ACBD6: variants seen among roughly 807,000 people sequenced by gnomAD.
ACBD6 encodes acyl-CoA binding domain containing 6, also known as acyl-CoA-binding domain-containing protein 6.
Under a neutral mutation model 37.2 loss-of-function variants are expected in ACBD6, and 28 were observed. The ratio of observed to expected loss-of-function variants is 0.75; its 90% CI spans 0.56 to 1.03. ACBD6 has a LOEUF of 1.03. Among genes scored for constraint, ACBD6 ranks in the 50% least tolerant of loss-of-function variants. The pLI, the probability that ACBD6 is intolerant of heterozygous loss-of-function variation, is 0.00. For synonymous variants in ACBD6, 113 were observed against 126.8 expected, an observed-to-expected ratio of 0.89 and a Z score of 0.73; for missense variants, 340 against 337.4, an observed-to-expected ratio of 1.01 and a Z score of -0.06.
At chr1:180,385,095 G>A (rs1193795495) in intron 6 of ACBD6, among the ~76,000 whole-genome samples, 1 of 151,858 alleles carries the variant, frequency 6.6e-6, no homozygotes, top group Non-Finnish European at 1.5e-5. Flanking sequence ...GCAGAGTAGG[G>A]CTTTTACTAC....
At chr1:180,352,896 AC>A (rs1240496915) in intron 6 of ACBD6, among the ~76,000 whole-genome samples, 1 of 152,168 alleles carries the variant, frequency 6.6e-6, no homozygotes, top group African/African-American at 2.4e-5. Context: ...AGAATAGTGT[AC>A]CTGTAAGTAG....
intron 7 of ACBD6, among the ~76,000 whole-genome samples, chr1:180,309,130 T>G (rs1306345343): frequency 6.6e-6 from 1 of 152,198 alleles, no homozygotes; most frequent in East Asian, 1.9e-4. Flanking sequence ...TTATGTATCC[T>G]CCCAGAGATA....
intron 6 of ACBD6, among the ~76,000 whole-genome samples, chr1:180,322,430 G>C (rs1388753643): frequency 1.3e-5 from 2 of 152,024 alleles, no homozygotes; most frequent in Admixed American, 6.6e-5. Flanking sequence ...AGAAGGACTG[G>C]TATTAGTTCT....
At chr1:180,355,917 G>T (rs1652609250) in intron 6 of ACBD6, among the ~76,000 whole-genome samples, 1 of 151,796 alleles carries the variant, frequency 6.6e-6, no homozygotes, top group Non-Finnish European at 1.5e-5. Flanking sequence ...GCCCAGGCTG[G>T]TGTGCAGTGG....
At chr1:180,382,068 T>C (rs1247373715) in intron 6 of ACBD6, among the ~76,000 whole-genome samples, 4 of 149,026 alleles carry the variant, frequency 2.7e-5, no homozygotes, top group African/African-American at 7.5e-5. Flanking sequence ...TGAGCCAAGA[T>C]TGCACCACTG....
At chr1:180,335,616 T>C (rs2149302991) in intron 6 of ACBD6, among the ~76,000 whole-genome samples, 1 of 151,726 alleles carries the variant, frequency 6.6e-6, no homozygotes, top group Admixed American at 6.6e-5. Flanking sequence ...ACGAGCAAAA[T>C]AACCAGCTAA....
chr1:180,341,292 A>G (rs1055547077), intron 6 of ACBD6, among the ~76,000 whole-genome samples: 6 of 152,182 alleles, frequency 3.9e-5, no homozygotes, highest in Admixed American at 2.6e-4. Flanking sequence ...CTAGGTAGTC[A>G]TAAGAAATTA....
At chr1:180,319,826 G>T (rs1650986406) in intron 6 of ACBD6, among the ~76,000 whole-genome samples, 1 of 152,160 alleles carries the variant, frequency 6.6e-6, no homozygotes, top group Admixed American at 6.5e-5. Flanking sequence ...TGTTGCAAAT[G>T]ACAAGATCTC....
chr1:180,289,060 C>T (rs1054334820), intron 7 of ACBD6, among the ~76,000 whole-genome samples: 1 of 132,000 alleles, frequency 7.6e-6, no homozygotes, highest in Non-Finnish European at 1.6e-5. Flanking sequence ...AAAAAAAAGG[C>T]ACCAATGGGT....
chr1:180,422,681 A>G (rs1315265969), intron 4 of ACBD6, among the ~76,000 whole-genome samples: 2 of 152,164 alleles, frequency 1.3e-5, no homozygotes, highest in African/African-American at 2.4e-5. Context: ...CACTAGTGGT[A>G]CTTCATATGG....
chr1:180,359,992 TTAC>T (rs2101902215), intron 6 of ACBD6, among the ~76,000 whole-genome samples: 1 of 152,334 alleles, frequency 6.6e-6, no homozygotes, highest in South Asian at 2.1e-4. Context: ...AATATCAAAC[TTAC>T]TTTTTAATTT....
At chr1:180,490,128 G>T (rs1220324691) in intron 3 of ACBD6, among the ~76,000 whole-genome samples, 1 of 152,138 alleles carries the variant, frequency 6.6e-6, no homozygotes, top group African/African-American at 2.4e-5. Context: ...ACAGTGACTG[G>T]ACCTGAAAAA....
At chr1:180,276,939 G>A (rs908892767) in intron 9 of ACBD6, 2 of 152,174 alleles carry the variant, frequency 1.3e-5, no homozygotes, top group Admixed American at 6.5e-5. Context: ...AATAGTGGAA[G>A]GAGAGGCCTT....
At chr1:180,487,905 A>G (rs1651337836) in intron 3 of ACBD6, among the ~76,000 whole-genome samples, 1 of 152,208 alleles carries the variant, frequency 6.6e-6, no homozygotes, top group Non-Finnish European at 1.5e-5. Context: ...ATGTTTTCCA[A>G]CTGATAGCAA....
At chr1:180,284,416 T>C (rs1234590836), downstream of ACBD6, among the ~76,000 whole-genome samples, 5 of 151,468 alleles carry the variant, frequency 3.3e-5, no homozygotes, top group Non-Finnish European at 7.4e-5. Context: ...CAGGCTGGAG[T>C]GCAGTGGCGC....
intron 3 of ACBD6, among the ~76,000 whole-genome samples, chr1:180,453,096 C>T (rs1004757356): frequency 4.6e-5 from 7 of 152,118 alleles, no homozygotes; most frequent in South Asian, 2.1e-4. Flanking sequence ...TATCAAAACC[C>T]GGCAGAGACA....
At chr1:180,363,173 C>G (rs1335436274) in intron 6 of ACBD6, among the ~76,000 whole-genome samples, 1 of 152,162 alleles carries the variant, frequency 6.6e-6, no homozygotes, top group Non-Finnish European at 1.5e-5. Context: ...ACAGATTAAA[C>G]AGGATTGGCC....
chr1:180,360,615 A>T (rs866384940), intron 6 of ACBD6, among the ~76,000 whole-genome samples: 89 of 152,184 alleles, frequency 5.8e-4, no homozygotes, highest in African/African-American at 2.1e-3. Context: ...CCACTGCCCT[A>T]TGCTAGTAAA....
chr1:180,318,673 C>A (rs1404937480), intron 6 of ACBD6, among the ~76,000 whole-genome samples: 1 of 152,146 alleles, frequency 6.6e-6, no homozygotes, highest in Non-Finnish European at 1.5e-5. Flanking sequence ...TTCACCGCCA[C>A]CCCAACCCCG....
Sources: gnomAD v4.1 joint callset for allele counts (sites outside exome capture counted in the v4.1 genomes callset) on GRCh38, gnomAD v4.1.1 for gene constraint, MANE v1.5 for transcripts, NCBI Gene and HGNC (gene_info 2026-07-23, HGNC 2026-07-21) for gene names.